INPP4A: variants seen among roughly 807,000 people sequenced by gnomAD.
INPP4A encodes inositol polyphosphate-4-phosphatase type I A.
INPP4A carries 33 observed loss-of-function variants against 119.8 expected under a neutral mutation model. The observed-to-expected ratio is 0.28, with a 90% CI of 0.21 to 0.37. The LOEUF is 0.37. INPP4A is among the 10% of genes least tolerant of loss of function. The pLI is 1.00. For synonymous variants in INPP4A, 496 were observed against 500.7 expected, an observed-to-expected ratio of 0.99 and a Z score of 0.12; for missense variants, 956 against 1,289.9, an observed-to-expected ratio of 0.74 and a Z score of 3.97.
intron 1 of INPP4A, among the ~76,000 whole-genome samples, chr2:98,470,728 C>T (rs570071864): frequency 3.3e-5 from 5 of 151,592 alleles, no homozygotes; most frequent in African/African-American, 9.7e-5. Flanking sequence ...AGTGCAGTGG[C>T]GCGACCTCGG....
intron 1 of INPP4A, among the ~76,000 whole-genome samples, chr2:98,503,091 G>A (rs1231752489): frequency 2.6e-5 from 4 of 152,134 alleles, no homozygotes; most frequent in Non-Finnish European, 5.9e-5. Context: ...GGTGGTGGGT[G>A]CCATCTTGAC....
chr2:98,484,080 A>G (rs190367814), intron 1 of INPP4A, among the ~76,000 whole-genome samples: 1 of 151,608 alleles, frequency 6.6e-6, no homozygotes, highest in East Asian at 1.9e-4. Flanking sequence ...TGGGCTTGGA[A>G]TCTCTTTCGC....
intron 18 of INPP4A, 115 bp from the exon 19 acceptor site, chr2:98,564,525 G>A (rs1236350123): frequency 1.5e-6 from 2 of 1,297,930 alleles, no homozygotes; most frequent in African/African-American, 2.9e-5. Flanking sequence ...TGCCACTGAA[G>A]CCCCTTTGAG....
intron 1 of INPP4A, among the ~76,000 whole-genome samples, chr2:98,494,465 G>A (rs979451165): frequency 2.6e-5 from 4 of 152,150 alleles, no homozygotes; most frequent in South Asian, 2.1e-4. Flanking sequence ...CACTCCGAGA[G>A]AAGTGGGACA....
chr2:98,488,461 A>G (rs1008156500), intron 1 of INPP4A, among the ~76,000 whole-genome samples: 2 of 152,304 alleles, frequency 1.3e-5, no homozygotes. Context: ...ACAGTTTTCT[A>G]GTTGCAGACC....
intron 1 of INPP4A, among the ~76,000 whole-genome samples, chr2:98,483,707 C>A (rs1008875269): frequency 6.6e-6 from 1 of 152,148 alleles, no homozygotes; most frequent in Non-Finnish European, 1.5e-5. Flanking sequence ...GCAGCGTGGA[C>A]CAGCTCTCAG....
At chr2:98,544,074 C>T in intron 11 of INPP4A, 67 bp downstream of exon 11, 2 of 1,388,736 alleles carry the variant, frequency 1.4e-6, no homozygotes, top group Non-Finnish European at 2.0e-6. Context: ...CTCTCACTCT[C>T]ACTCAGTCAC....
At chr2:98,447,919 C>T (rs1384016935) in intron 1 of INPP4A, among the ~76,000 whole-genome samples, 1 of 151,788 alleles carries the variant, frequency 6.6e-6, no homozygotes, top group South Asian at 2.1e-4. Flanking sequence ...TAGTGGTGGG[C>T]GCCTGTAGTC....
chr2:98,455,225 C>G (rs960680024), intron 1 of INPP4A, among the ~76,000 whole-genome samples: 2 of 152,106 alleles, frequency 1.3e-5, no homozygotes, highest in Admixed American at 6.5e-5. Context: ...ATATTCCCAG[C>G]TTCTTGGGAG....
intron 13 of INPP4A, among the ~76,000 whole-genome samples, chr2:98,549,885 A>G (rs1693185749): frequency 6.6e-6 from 1 of 152,020 alleles, no homozygotes; most frequent in Non-Finnish European, 1.5e-5. Context: ...GAGCAGACCC[A>G]TGCTACTTCT....
chr2:98,535,016 A>C (rs1689970154), intron 5 of INPP4A, among the ~76,000 whole-genome samples: 1 of 152,194 alleles, frequency 6.6e-6, no homozygotes, highest in African/African-American at 2.4e-5. Flanking sequence ...CAGCCCACCC[A>C]GGTGGAGCTG....
intron 1 of INPP4A, among the ~76,000 whole-genome samples, chr2:98,468,246 G>A (rs1675197010): frequency 6.6e-6 from 1 of 152,142 alleles, no homozygotes; most frequent in African/African-American, 2.4e-5. Context: ...TTGATTGATT[G>A]ATTGATTGAG....
intron 1 of INPP4A, among the ~76,000 whole-genome samples, chr2:98,511,008 A>G (rs969953524): frequency 1.3e-5 from 2 of 152,180 alleles, no homozygotes; most frequent in African/African-American, 4.8e-5. Context: ...TTGTGTCTGC[A>G]GGTGAGAAGG....
chr2:98,474,454 C>T (rs1676792354), intron 1 of INPP4A, among the ~76,000 whole-genome samples: 1 of 152,230 alleles, frequency 6.6e-6, no homozygotes, highest in Non-Finnish European at 1.5e-5. Flanking sequence ...ACCTGTGCTA[C>T]GAAGAGCCCT....
intron 1 of INPP4A, among the ~76,000 whole-genome samples, chr2:98,515,999 T>A (rs1686055965): frequency 6.6e-6 from 1 of 152,190 alleles, no homozygotes; most frequent in African/African-American, 2.4e-5. Flanking sequence ...CATGGGTTAT[T>A]GCTTCTTTTT....
intron 4 of INPP4A, among the ~76,000 whole-genome samples, chr2:98,529,596 C>T (rs558581383): frequency 4.6e-5 from 7 of 151,978 alleles, no homozygotes; most frequent in South Asian, 2.1e-4. Context: ...ATTAGCTGGG[C>T]GTGGTGGTGG....
rs555477669 is a variant in INPP4A at position 98,554,078 on chromosome 2, C to G, written c.1348-193C>G. Among the ~76,000 whole-genome samples, 1 of 152,336 alleles carries G rather than the reference C, an allele frequency of 6.6e-6. No individual in the cohort carries two copies. Among genetic ancestry groups the G allele is most frequent in the South Asian group, 2.1e-4 (1 of 4,830 alleles). On this transcript the variant is annotated intron_variant, in intron 14 of 24. Coordinates refer to ENST00000409851, the MANE Select transcript of INPP4A (RefSeq NM_001134225.2). The surrounding 1 kb of genome is among the most constrained non-coding windows in gnomAD (Gnocchi z 4.7). ...TGGGAAATTCTTGTTAAGATTCAGC[C>G]CAAGTGGGCCACATGGCAGTCTTTG...
intron 14 of INPP4A, among the ~76,000 whole-genome samples, chr2:98,553,993 G>A (rs1694023125): frequency 6.6e-6 from 1 of 152,234 alleles, no homozygotes; most frequent in Non-Finnish European, 1.5e-5. Context: ...GCAATCACAG[G>A]TCAGAGGTAG....
intron 24 of INPP4A, among the ~76,000 whole-genome samples, chr2:98,585,400 T>C (rs1004749176): frequency 3.9e-5 from 6 of 152,356 alleles, no homozygotes; most frequent in South Asian, 2.1e-4. Context: ...TTTATTGATA[T>C]AATAAAAGTA....
Sources: allele counts gnomAD v4.1 joint callset (sites outside exome capture counted in the v4.1 genomes callset), GRCh38; gene constraint gnomAD v4.1.1; non-coding constraint Gnocchi (gnomAD v3.1); transcripts MANE v1.5; gene names NCBI Gene and HGNC (gene_info 2026-07-23, HGNC 2026-07-21).